Variants in SEMA6D observed in about 807,000 individuals in gnomAD.
SEMA6D encodes semaphorin 6D, also known as semaphorin-6D.
A neutral mutation model predicts 106.6 loss-of-function variants in SEMA6D; 35 were observed. That is an observed-to-expected ratio of 0.33 (90% CI 0.25 to 0.44). The LOEUF (loss-of-function observed/expected upper bound fraction) is 0.44, where lower values mean the gene tolerates loss of function less well. Ranked by LOEUF, SEMA6D falls within the 20% of genes least tolerant of loss-of-function variation. The pLI is 1.00. For synonymous variants in SEMA6D, 499 were observed against 487.7 expected (o/e 1.02, Z -0.31); for missense variants, 1,185 against 1,345.9 (o/e 0.88, Z 1.87).
chr15:47,563,448 G>A (rs527378480), intron 3 of SEMA6D, among the ~76,000 whole-genome samples: 1 of 152,282 alleles, frequency 6.6e-6, no homozygotes, highest in Admixed American at 6.5e-5. Flanking sequence ...TTCTTGAAAT[G>A]CTATGGCTCC....
intron 3 of SEMA6D, among the ~76,000 whole-genome samples, chr15:47,490,394 C>T (rs2043436035): frequency 6.6e-6 from 1 of 152,104 alleles, no homozygotes; most frequent in Non-Finnish European, 1.5e-5. Flanking sequence ...ACCTGTAATC[C>T]CAGCACTTTG....
intron 1 of SEMA6D, among the ~76,000 whole-genome samples, chr15:47,377,928 A>G (rs1009026532): frequency 6.6e-6 from 1 of 152,146 alleles, no homozygotes; most frequent in African/African-American, 2.4e-5. Flanking sequence ...CCATGTTTAT[A>G]TTAAAGTTTT....
At chr15:47,578,801 C>T (rs2076203560) in intron 3 of SEMA6D, among the ~76,000 whole-genome samples, 1 of 151,938 alleles carries the variant, frequency 6.6e-6, no homozygotes, top group Non-Finnish European at 1.5e-5. Flanking sequence ...ACTAAATGAT[C>T]TATGTGTAAT....
chr15:47,246,249 C>T (rs1258329640), intron 1 of SEMA6D, among the ~76,000 whole-genome samples: 1 of 151,932 alleles, frequency 6.6e-6, no homozygotes, highest in Non-Finnish European at 1.5e-5. Context: ...TAGTGGGGAG[C>T]CATGGGTGTC....
chr15:47,652,769 T>C (rs900628807), intron 4 of SEMA6D, among the ~76,000 whole-genome samples: 2 of 152,192 alleles, frequency 1.3e-5, no homozygotes, highest in Non-Finnish European at 2.9e-5. Context: ...AATTGGCTCA[T>C]TGGTGTTTCT....
At chr15:47,431,700 C>T (rs1415571577) in intron 2 of SEMA6D, among the ~76,000 whole-genome samples, 1 of 152,078 alleles carries the variant, frequency 6.6e-6, no homozygotes, top group Non-Finnish European at 1.5e-5. Flanking sequence ...CAAGGCCACC[C>T]ACAAAAATGC....
At position 47,760,375 on chromosome 15, in the gene SEMA6D, C is replaced by G; in HGVS notation, c.181C>G (p.Leu61Val). The G allele has an allele frequency of 6.2e-7, 1 of 1,613,618 alleles. No homozygotes were observed. ...NESQHRLDFQ[L>V]MLKIRDTLYI... ...ATCGCAGCACAGGCTGGACTTTCAGCTGATGTTGAAAATTCGAGACACACT... is the reference window on the plus strand; with the variant it reads ...ATCGCAGCACAGGCTGGACTTTCAGGTGATGTTGAAAATTCGAGACACACT... Residue 61 changes from leucine to valine, a missense_variant, in exon 3 of 19, where the codon CTG (leucine) becomes GTG (valine). By Grantham distance (32) the Leu-to-Val change is conservative. Coordinates refer to ENST00000536845, the MANE Select transcript of SEMA6D (RefSeq NM_001358351.3).
rs114660817 is a variant in SEMA6D, at chr15:47,761,278, A to T, written c.346-52A>T. 1,163 of 1,610,186 alleles carry T rather than the reference A, an allele frequency of 7.2e-4. 6 individuals carry two copies. In the African/African-American group the frequency reaches 0.014, roughly 19 times the overall value. On this transcript the variant is annotated intron_variant, in intron 5 of 18. Coordinates refer to ENST00000536845, the MANE Select transcript of SEMA6D (RefSeq NM_001358351.3). Reference sequence around the variant, plus strand: ...AGTCTTTCTGTGGGCTTGATACCACAGTGCCAGCATGTTCAAATGTCTAAT... The same window carrying T: ...AGTCTTTCTGTGGGCTTGATACCACTGTGCCAGCATGTTCAAATGTCTAAT...
At chr15:47,475,368 G>T (rs2042974756) in intron 3 of SEMA6D, among the ~76,000 whole-genome samples, 2 of 152,132 alleles carry the variant, frequency 1.3e-5, no homozygotes, top group Non-Finnish European at 2.9e-5. Flanking sequence ...GCTAAATCTT[G>T]TCACAGAATG....
chr15:47,578,960 C>T (rs1309244529), intron 3 of SEMA6D, among the ~76,000 whole-genome samples: 1 of 152,084 alleles, frequency 6.6e-6, no homozygotes, highest in African/African-American at 2.4e-5. Flanking sequence ...TATGTGGACC[C>T]CATTTTTAAA....
At chr15:47,570,039 G>GAA (rs1566898609) in intron 3 of SEMA6D, among the ~76,000 whole-genome samples, 2 of 151,080 alleles carry the variant, frequency 1.3e-5, no homozygotes, top group African/African-American at 2.4e-5. Flanking sequence ...CCCAGCCCGG[G>GAA]CAACAGAGGG....
chr15:47,287,200 CA>C (rs2035405213), intron 1 of SEMA6D, among the ~76,000 whole-genome samples: 2 of 152,156 alleles, frequency 1.3e-5, no homozygotes, highest in South Asian at 4.1e-4. Context: ...GAGTCCTTAT[CA>C]GTTGCATCAT....
intron 3 of SEMA6D, among the ~76,000 whole-genome samples, chr15:47,539,402 G>C (rs1171225943): frequency 8.5e-6 from 1 of 118,308 alleles, no homozygotes; most frequent in African/African-American, 3.9e-5. Context: ...ATAGTCCCTG[G>C]CTCAGTTTTT....
At chr15:47,512,006 T>C (rs1253316396) in intron 3 of SEMA6D, among the ~76,000 whole-genome samples, 1 of 152,216 alleles carries the variant, frequency 6.6e-6, no homozygotes, top group African/African-American at 2.4e-5. Context: ...GTTAGGCATA[T>C]TGCCTCACTT....
At chr15:47,246,192 A>C (rs1012130027) in intron 1 of SEMA6D, among the ~76,000 whole-genome samples, 7 of 152,224 alleles carry the variant, frequency 4.6e-5, no homozygotes, top group African/African-American at 1.4e-4. Flanking sequence ...TGTTGGCTGC[A>C]TTAAGTGGAT....
rs768009371 is a variant in SEMA6D at position 47,766,663 on chromosome 15, T to C, written c.1694T>C (p.Leu565Pro). The C allele has an allele frequency of 1.2e-6, 2 of 1,609,560 alleles. No homozygotes were observed. The highest frequency in any genetic ancestry group is 1.7e-5 in the Admixed American group (1 of 59,938). Reference sequence around the variant, plus strand: ...ACAGAATTCGGCAACACAGCTCATCTAGGGGACTGCCATGGTAAGACAGAA... The same window carrying C: ...ACAGAATTCGGCAACACAGCTCATCCAGGGGACTGCCATGGTAAGACAGAA... ...QDTEFGNTAH[L>P]GDCHEILPTS... Residue 565 changes from leucine (L) to proline (P), a missense_variant, in exon 16 of 19, where the codon CTA (leucine) becomes CCA (proline). Around this residue, in one of 3 missense-constraint regions of SEMA6D, gnomAD observed 750 missense variants for 783.5 expected, o/e 0.96. Coordinates refer to ENST00000536845, the MANE Select transcript of SEMA6D (RefSeq NM_001358351.3).
intron 1 of SEMA6D, among the ~76,000 whole-genome samples, chr15:47,250,216 A>G (rs917133583): frequency 6.6e-6 from 1 of 152,184 alleles, no homozygotes; most frequent in African/African-American, 2.4e-5. Flanking sequence ...CCACTATGAT[A>G]TATCTATTAA....
intron 1 of SEMA6D, among the ~76,000 whole-genome samples, chr15:47,246,968 C>G (rs1317082451): frequency 6.6e-6 from 1 of 152,156 alleles, no homozygotes; most frequent in Admixed American, 6.5e-5. Flanking sequence ...ACATCTATTT[C>G]TCATCTCTAA....
At chr15:47,202,435 A>G (rs1894784307) in intron 1 of SEMA6D, among the ~76,000 whole-genome samples, 1 of 152,034 alleles carries the variant, frequency 6.6e-6, no homozygotes, top group African/African-American at 2.4e-5. Flanking sequence ...TGGTAAGGGA[A>G]GAATGCCTCA....
Sources: allele counts gnomAD v4.1 joint callset (sites outside exome capture counted in the v4.1 genomes callset), GRCh38; gene constraint gnomAD v4.1.1; regional missense constraint gnomAD v4.1.1; transcripts MANE v1.5; gene names NCBI Gene and HGNC (gene_info 2026-07-23, HGNC 2026-07-21).